TBC1D22A: variants seen among roughly 807,000 people sequenced by gnomAD.
TBC1D22A encodes the protein TBC1 domain family member 22A, also known as putative GTPase activator.
TBC1D22A carries 38 observed loss-of-function variants against 60.2 expected under a neutral mutation model. The observed-to-expected ratio is 0.63, with a 90% CI of 0.49 to 0.83. The LOEUF (loss-of-function observed/expected upper bound fraction) is 0.83, where lower values mean the gene tolerates loss of function less well. Ranked by LOEUF, TBC1D22A falls within the 40% of genes least tolerant of loss-of-function variation. The pLI, the probability that TBC1D22A is intolerant of heterozygous loss-of-function variation, is 0.00. For synonymous variants in TBC1D22A, 302 were observed against 281.7 expected (o/e 1.07, Z -0.72); for missense variants, 628 against 701.0 (o/e 0.90, Z 1.18).
intron 3 of TBC1D22A, among the ~76,000 whole-genome samples, chr22:46,797,128 C>A (rs534625579): frequency 4.7e-4 from 71 of 152,224 alleles, no homozygotes; most frequent in Non-Finnish European, 7.9e-4. Context: ...CTGGGCAGGC[C>A]CTGATCTGCC....
chr22:47,164,818 C>T (rs1241330624), intron 12 of TBC1D22A, among the ~76,000 whole-genome samples: 1 of 152,206 alleles, frequency 6.6e-6, no homozygotes, highest in African/African-American at 2.4e-5. Context: ...TGCACATGTA[C>T]GTCACGGAAG....
At chr22:46,886,739 C>T (rs570748393) in intron 5 of TBC1D22A, among the ~76,000 whole-genome samples, 3 of 152,248 alleles carry the variant, frequency 2.0e-5, no homozygotes, top group South Asian at 2.1e-4. Context: ...TTTTAGAGCA[C>T]GGTTGGCAAA....
chr22:46,955,737 A>G (rs1476554093), intron 8 of TBC1D22A, among the ~76,000 whole-genome samples: 3 of 152,206 alleles, frequency 2.0e-5, no homozygotes, highest in Admixed American at 1.3e-4. Flanking sequence ...TAAAAAAGAT[A>G]ATACTCAGTG....
chr22:47,092,901 T>C (rs1434609056), intron 11 of TBC1D22A, among the ~76,000 whole-genome samples: 4 of 152,316 alleles, frequency 2.6e-5, no homozygotes, highest in Admixed American at 6.5e-5. Flanking sequence ...TTGGACAGGA[T>C]AGCAAAAGTA....
At position 47,031,189 on chromosome 22, in the gene TBC1D22A, CT is replaced by C. The variant is rs1420137050; in HGVS notation, c.1202-5879del. Among the ~76,000 whole-genome samples the C allele has an allele frequency of 2.0e-5, 3 of 152,312 alleles. No individual in the cohort carries two copies. In the East Asian group the frequency reaches 5.8e-4, roughly 29 times the overall value. ...GGGCGTGGGTTTTGCCTTTTCACTC[CT>C]TTCAGGAGTTCAAGGTCCTGTGTCA... is the stretch of plus-strand genomic sequence containing the variant. On this transcript the variant is annotated intron_variant, in intron 10 of 12. Coordinates refer to ENST00000337137, the MANE Select transcript of TBC1D22A (RefSeq NM_014346.5).
chr22:47,115,160 G>T (rs560362503), intron 12 of TBC1D22A, among the ~76,000 whole-genome samples: 1 of 149,414 alleles, frequency 6.7e-6, no homozygotes, highest in East Asian at 2.0e-4. Flanking sequence ...CCTGTCCTGA[G>T]CGCTGGGCCC....
At chr22:46,794,055 G>A (rs535708280) in intron 3 of TBC1D22A, among the ~76,000 whole-genome samples, 4 of 152,268 alleles carry the variant, frequency 2.6e-5, no homozygotes, top group African/African-American at 9.6e-5. Context: ...TCCTAGCTAC[G>A]TGCGTGTCTC....
At chr22:47,083,296 G>GA (rs1704724036) in intron 11 of TBC1D22A, among the ~76,000 whole-genome samples, 1 of 151,096 alleles carries the variant, frequency 6.6e-6, no homozygotes, top group South Asian at 2.1e-4. Flanking sequence ...TTATACATCC[G>GA]AAAAAAACTA....
intron 1 of TBC1D22A, among the ~76,000 whole-genome samples, chr22:46,780,471 AG>A (rs1402174306): frequency 6.6e-6 from 1 of 151,900 alleles, no homozygotes; most frequent in Non-Finnish European, 1.5e-5. Context: ...ATACACCATC[AG>A]GTTTGTTTGA....
At chr22:46,835,580 G>C (rs2086481969) in intron 4 of TBC1D22A, among the ~76,000 whole-genome samples, 1 of 152,182 alleles carries the variant, frequency 6.6e-6, no homozygotes, top group South Asian at 2.1e-4. Flanking sequence ...AAGAAAGTCT[G>C]TAGGATTTAT....
intron 5 of TBC1D22A, among the ~76,000 whole-genome samples, chr22:46,880,276 G>A (rs915370542): frequency 4.6e-5 from 7 of 152,132 alleles, no homozygotes; most frequent in Non-Finnish European, 7.4e-5. Context: ...ATACACGAAT[G>A]GTTACATTCT....
At chr22:46,997,860 G>A (rs1234775594) in intron 10 of TBC1D22A, 151 bp downstream of exon 10, 6 of 632,362 alleles carry the variant, frequency 9.5e-6, no homozygotes, top group East Asian at 2.7e-5. Context: ...CTGCTGGTGC[G>A]TGAGCTGCTC....
intron 12 of TBC1D22A, among the ~76,000 whole-genome samples, chr22:47,127,432 C>T (rs1015600934): frequency 2.2e-5 from 3 of 138,356 alleles, no homozygotes; most frequent in Admixed American, 7.9e-5. Context: ...GTAGAGACGG[C>T]CAGGCTGGTC....
intron 1 of TBC1D22A, among the ~76,000 whole-genome samples, chr22:46,790,983 T>G (rs752561763): frequency 1.4e-4 from 21 of 152,198 alleles, no homozygotes; most frequent in Non-Finnish European, 1.5e-4. Flanking sequence ...AGTGCAGTGG[T>G]GCATTCTTGG....
chr22:46,993,042 C>T (rs2075002763), intron 9 of TBC1D22A, among the ~76,000 whole-genome samples: 1 of 152,080 alleles, frequency 6.6e-6, no homozygotes, highest in Non-Finnish European at 1.5e-5. Context: ...GAGGTGGATC[C>T]CTGGTCCAGG....
intron 4 of TBC1D22A, among the ~76,000 whole-genome samples, chr22:46,804,130 ACT>A (rs2085025655): frequency 6.6e-6 from 1 of 152,014 alleles, no homozygotes; most frequent in Non-Finnish European, 1.5e-5. Context: ...CAACCGTGTG[ACT>A]CTGGGTTTGC....
chr22:47,121,901 GCC>G (rs2066283345), intron 12 of TBC1D22A, among the ~76,000 whole-genome samples: 2 of 152,176 alleles, frequency 1.3e-5, no homozygotes, highest in Admixed American at 1.3e-4. Flanking sequence ...GTCGCACTGC[GCC>G]CGCCCCTCGG....
chr22:47,172,108 TCACC>T (rs890699336), intron 12 of TBC1D22A, among the ~76,000 whole-genome samples: 12 of 123,900 alleles, frequency 9.7e-5, no homozygotes, highest in Admixed American at 8.8e-4. Flanking sequence ...AGCTGTGTGC[TCACC>T]CAGAGTGCCC....
rs1375712933 is a variant in TBC1D22A, at chr22:47,175,449, G to A, written c.*1823G>A. On this transcript the variant is annotated 3_prime_UTR_variant, in exon 13 of 13. Coordinates refer to ENST00000337137, the MANE Select transcript of TBC1D22A (RefSeq NM_014346.5). ...TGGGAGGATCCCCTTCTCCAGCTCA[G>A]ATCATGCCGTGTGGCCAGAAGGCTG... 1 of 150,808 alleles carries A rather than the reference G, an allele frequency of 6.6e-6. No individual in the cohort carries two copies. The highest frequency in any genetic ancestry group is 1.5e-5 in the Non-Finnish European group (1 of 68,104). The allele number at this position is 150,808 out of a possible 1,614,324, so 9.3% of individuals were successfully genotyped here. A position where few individuals can be genotyped will look rare whatever the true frequency, so the allele number is the denominator to read the frequency against.
Sources: allele counts gnomAD v4.1 joint callset (sites outside exome capture counted in the v4.1 genomes callset), GRCh38; gene constraint gnomAD v4.1.1; transcripts MANE v1.5; gene names NCBI Gene and HGNC (gene_info 2026-07-23, HGNC 2026-07-21).